The following ZFHX3 variants were observed in gnomAD, a reference collection of about 807,000 sequenced individuals.
ZFHX3 encodes zinc finger homeobox protein 3.
In ZFHX3, 42 loss-of-function variants were observed where a neutral mutation model predicts 279.1. The observed-to-expected ratio is 0.15, with a 90% CI of 0.12 to 0.19. The LOEUF is 0.19. Among genes scored for constraint, ZFHX3 ranks in the 10% least tolerant of loss-of-function variants. ZFHX3 has a pLI of 1.00. For missense variants in ZFHX3, 4,981 were observed against 4,754.0 expected, an observed-to-expected ratio of 1.05 and a Z score of -1.40; for synonymous variants, 2,293 against 1,957.8, an observed-to-expected ratio of 1.17 and a Z score of -4.52.
chr16:73,122,193 T>C (rs955780369), intron 7 of ZFHX3, among the ~76,000 whole-genome samples: 7 of 151,938 alleles, frequency 4.6e-5, no homozygotes, highest in African/African-American at 1.7e-4. Context: ...TCTTTAAATA[T>C]AATTTCACAT....
intron 1 of ZFHX3, among the ~76,000 whole-genome samples, chr16:73,876,889 T>C (rs1486111003): frequency 1.3e-5 from 2 of 151,878 alleles, no homozygotes; most frequent in Non-Finnish European, 2.9e-5. Context: ...GGGTTCACGG[T>C]CCACATCTGG....
chr16:73,818,951 C>A (rs1223306279), intron 1 of ZFHX3, among the ~76,000 whole-genome samples: 3 of 152,226 alleles, frequency 2.0e-5, no homozygotes, highest in African/African-American at 7.2e-5. Context: ...CTGAACTATG[C>A]AAGGAGAACT....
chr16:73,776,206 T>A (rs1959240723), intron 1 of ZFHX3, among the ~76,000 whole-genome samples: 1 of 152,092 alleles, frequency 6.6e-6, no homozygotes, highest in Non-Finnish European at 1.5e-5. Flanking sequence ...TGAGCAGGCA[T>A]GGGGAGAAGG....
At chr16:73,220,273 A>G (rs913244932) in intron 5 of ZFHX3, among the ~76,000 whole-genome samples, 5 of 152,122 alleles carry the variant, frequency 3.3e-5, no homozygotes, top group African/African-American at 1.2e-4. Flanking sequence ...GATGGGATCC[A>G]TTGTATCCCA....
chr16:73,643,118 T>C lies in ZFHX3; in HGVS notation c.-1547+37062A>G, dbSNP rs188697202. Among the ~76,000 whole-genome samples the C allele has an allele frequency of 3.8e-3, 582 of 152,328 alleles. 2 individuals carry two copies. Among genetic ancestry groups the C allele is most frequent in the Non-Finnish European group, 6.9e-3 (472 of 68,024 alleles). On this transcript the variant is annotated intron_variant, in intron 2 of 17. Coordinates refer to the ZFHX3 transcript ENST00000641206. ...GCTATCTGGAGGCTCCGTCAGCACC[T>C]TGTGCAAAAGAACTAAAACAATATT... is the stretch of plus-strand genomic sequence containing the variant.
At chr16:73,540,287 A>C (rs1438574635) in intron 2 of ZFHX3, among the ~76,000 whole-genome samples, 2 of 152,090 alleles carry the variant, frequency 1.3e-5, no homozygotes, top group African/African-American at 4.8e-5. Flanking sequence ...GAAACAGAAC[A>C]CTCCTGCTTT....
chr16:73,726,736 C>T (rs1159455328), intron 1 of ZFHX3, among the ~76,000 whole-genome samples: 1 of 152,152 alleles, frequency 6.6e-6, no homozygotes, highest in Non-Finnish European at 1.5e-5. Flanking sequence ...TTTCAAACAA[C>T]CAGATCTTGT....
At chr16:73,696,467 G>T (rs554478689) in intron 1 of ZFHX3, among the ~76,000 whole-genome samples, 6 of 152,322 alleles carry the variant, frequency 3.9e-5, no homozygotes, top group African/African-American at 1.4e-4. Flanking sequence ...GAAACAGTGT[G>T]TTGGGTTGGG....
chr16:73,438,232 A>C (rs2018028836), intron 3 of ZFHX3, among the ~76,000 whole-genome samples: 1 of 152,202 alleles, frequency 6.6e-6, no homozygotes, highest in Non-Finnish European at 1.5e-5. Context: ...CATCAAGAAA[A>C]AGTACAGAAT....
chr16:72,960,000 G>A lies in ZFHX3; in HGVS notation c.146C>T (p.Pro49Leu). Reference protein sequence around the residue: ...MEQSTGESHGPLDSLRAPFNE... With the variant: ...MEQSTGESHGLLDSLRAPFNE... The stretch of plus-strand genomic sequence containing the variant: ...GAAGGGGGCCCTCAGGCTGTCCAAG[G>A]GCCCGTGGCTCTCGCCTGTGGACTG... The change falls in exon 2 of 10, where the codon CCC becomes CTC. Residue 49 changes from proline (P) to leucine (L), a missense_variant. By Grantham distance (98) the Pro-to-Leu change is moderately conservative. Transcript: ENST00000268489. The A allele has an allele frequency of 6.2e-7, 1 of 1,613,870 alleles. No individual in the cohort carries two copies. The highest frequency in any genetic ancestry group is 1.1e-5 in the South Asian group (1 of 91,056).
rs149170292 is a variant in ZFHX3 at position 72,917,034 on chromosome 16, T to C, written c.3217-27072A>G. 3.5e-3 allele frequency among the ~76,000 whole-genome samples: 532 copies of C among 151,968 alleles called. 2 individuals are homozygous for C. The highest frequency in any genetic ancestry group is 0.013 in the African/African-American group (519 of 41,410). Reference sequence around the variant, plus strand: ...CAGGTGGATTGCTTGAGCCAAGGAGTTCGAGACCAGCCTGAACAACATGGT... The same window carrying C: ...CAGGTGGATTGCTTGAGCCAAGGAGCTCGAGACCAGCCTGAACAACATGGT... On this transcript the variant is annotated intron_variant, in intron 3 of 9. Transcript: ENST00000268489.
chr16:73,348,740 C>T (rs1016866348), intron 3 of ZFHX3, among the ~76,000 whole-genome samples: 2 of 152,202 alleles, frequency 1.3e-5, no homozygotes, highest in Non-Finnish European at 2.9e-5. Context: ...CTTGTGGGAC[C>T]CACATTCCCG....
At chr16:73,142,537 A>G (rs1222467746) in intron 6 of ZFHX3, among the ~76,000 whole-genome samples, 1 of 152,190 alleles carries the variant, frequency 6.6e-6, no homozygotes, top group Non-Finnish European at 1.5e-5. Context: ...CTTCCTGTAC[A>G]GAGAAAATCC....
In ZFHX3 at chr16:73,045,807, G is replaced by GC. The variant is rs201831344; in HGVS notation, c.-50+1944_-50+1945insG. 8.0e-3 allele frequency among the ~76,000 whole-genome samples: 1,174 copies of GC among 147,052 alleles called. 62 individuals are homozygous for GC. The highest frequency in any genetic ancestry group is 0.027 in the African/African-American group (1,100 of 40,060). On this transcript the variant is annotated intron_variant, in intron 1 of 9. Coordinates refer to ENST00000268489, the MANE Select transcript of ZFHX3 (RefSeq NM_006885.4). ...CATTTCAAAAAAAAAAAAAAAAGTGGGGGGGGGTTGTTGAGAGAGGGAAGT... is the reference window on the plus strand; with the variant it reads ...CATTTCAAAAAAAAAAAAAAAAGTGGCGGGGGGGTTGTTGAGAGAGGGAAGT...
chr16:73,615,993 A>T (rs2052297611), intron 2 of ZFHX3, among the ~76,000 whole-genome samples: 1 of 152,174 alleles, frequency 6.6e-6, no homozygotes, highest in African/African-American at 2.4e-5. Flanking sequence ...GGTTCAGGGG[A>T]GACATAAAAG....
intron 3 of ZFHX3, among the ~76,000 whole-genome samples, chr16:72,895,864 T>C (rs891710286): frequency 8.8e-5 from 13 of 147,050 alleles, no homozygotes; most frequent in South Asian, 2.2e-4. Context: ...AACAGATAGG[T>C]AGATTAGACT....
rs564762961 is a variant in ZFHX3, at chr16:73,485,779, T to G, written c.-1546-29521A>C. 4.6e-5 allele frequency among the ~76,000 whole-genome samples: 7 copies of G among 152,330 alleles called. No homozygotes were observed. In the East Asian group the frequency reaches 1.3e-3, roughly 29 times the overall value. On this transcript the variant is annotated intron_variant, in intron 2 of 17. Transcript: ENST00000641206. ...ACACATCCCTTGGGCTGGCTCATCCTCATCCTCTTCCTCAGGTCACTGCTT... is the reference window on the plus strand; with the variant it reads ...ACACATCCCTTGGGCTGGCTCATCCGCATCCTCTTCCTCAGGTCACTGCTT...
At chr16:73,023,908 G>A (rs751567827) in intron 1 of ZFHX3, among the ~76,000 whole-genome samples, 1 of 152,138 alleles carries the variant, frequency 6.6e-6, no homozygotes, top group Non-Finnish European at 1.5e-5. Flanking sequence ...ACAGGCTTAC[G>A]GGGAGGACAC....
intron 4 of ZFHX3, among the ~76,000 whole-genome samples, chr16:73,308,449 C>T (rs1283808180): frequency 1.3e-5 from 2 of 151,610 alleles, no homozygotes; most frequent in East Asian, 1.9e-4. Flanking sequence ...CACCACCATG[C>T]CTGGCTAATT....
Sources: gnomAD v4.1 joint callset for allele counts (sites outside exome capture counted in the v4.1 genomes callset) on GRCh38, gnomAD v4.1.1 for gene constraint, MANE v1.5 for transcripts, NCBI Gene and HGNC (gene_info 2026-07-23, HGNC 2026-07-21) for gene names.